Variants in FAM217A observed in about 807,000 individuals in gnomAD.
The protein encoded by FAM217A is protein FAM217A.
Under a neutral mutation model 18.5 loss-of-function variants are expected in FAM217A, and 13 were observed. That is an observed-to-expected ratio of 0.70 (90% CI 0.46 to 1.12). The LOEUF is 1.12. Among genes scored for constraint, FAM217A ranks in the 50% most tolerant of loss-of-function variants. The pLI, the probability that FAM217A is intolerant of heterozygous loss-of-function variation, is 0.00. For synonymous variants in FAM217A, 161 were observed against 202.8 expected, an observed-to-expected ratio of 0.79 and a Z score of 1.75; for missense variants, 560 against 575.4, an observed-to-expected ratio of 0.97 and a Z score of 0.27.
rs1319664893 is a variant in FAM217A at position 4,077,257 on chromosome 6, C to T, written c.60+98G>A. On this transcript the variant is annotated intron_variant, in intron 2 of 6. Coordinates refer to ENST00000274673, the MANE Select transcript of FAM217A (RefSeq NM_173563.3). ...CAGGATAAACTGCCCACGATGCAAA[C>T]GCAGCAAGGGCATCACTACAAGAAA... is the stretch of plus-strand genomic sequence containing the variant. The T allele has an allele frequency of 2.6e-6, 3 of 1,170,390 alleles. No homozygotes were observed. In the East Asian group the frequency reaches 7.1e-5, roughly 28 times the overall value. 72.5% of individuals were successfully genotyped at this position (1,170,390 alleles called of 1,614,324 possible).
At chr6:4,079,813 G>A, upstream of FAM217A, 1 of 394,912 alleles carries the variant, frequency 2.5e-6, no homozygotes, top group Non-Finnish European at 3.9e-6. Context: ...GTCAGTTTCA[G>A]GTCCGTCGTC....
In FAM217A at chr6:4,077,380, A is replaced by G. The variant is rs112866331; in HGVS notation, c.35T>C (p.Leu12Pro). ...GRRNENCANS[L>P]RVSNISQENL... ...CTCCTGAGAGATGTTTGACACACGT[A>G]GGCTGTTAGCACAGTTCTCATTTCT... Residue 12 changes from leucine (L) to proline (P), a missense_variant, in exon 2 of 7, where the codon CTA (leucine) becomes CCA (proline). Coordinates refer to ENST00000274673, the MANE Select transcript of FAM217A (RefSeq NM_173563.3). 88 of 1,614,214 alleles carry G rather than the reference A, an allele frequency of 5.5e-5. 1 individual carries two copies. The African/African-American group carries it at 6.7e-4, about 12-fold the overall frequency.
Position 4,077,351 on chromosome 6 carries a change from A to G in FAM217A, c.60+4T>C. ...ACACTCAAGTTCAACAGCGCCTGCC[A>G]TACCTCCTGAGAGATGTTTGACACA... On this transcript the variant is annotated splice_donor_region_variant and intron_variant, in intron 2 of 6. Transcript: ENST00000274673. The G allele has an allele frequency of 3.1e-6, 5 of 1,614,186 alleles. No individual in the cohort carries two copies. Among genetic ancestry groups the G allele is most frequent in the Non-Finnish European group, 4.2e-6 (5 of 1,180,024 alleles).
At position 4,078,949 on chromosome 6, in the gene FAM217A, C is replaced by T. The variant is rs1221465647; in HGVS notation, c.-132G>A. ...TGCGTGGCTGACGGCTTGGAGGGCG[C>T]CCCCTCTGCCGCGGCCTTCCTGCAG... On this transcript the variant is annotated 5_prime_UTR_variant, in exon 1 of 7. Transcript: ENST00000274673. 3.6e-6 allele frequency: 2 copies of T among 550,714 alleles called. No homozygotes were observed. The highest frequency in any genetic ancestry group is 6.4e-6 in the Non-Finnish European group (2 of 311,102). 34.1% of individuals were successfully genotyped at this position (550,714 alleles called of 1,614,324 possible).
chr6:4,080,581 C>T (rs983020521), upstream of FAM217A, among the ~76,000 whole-genome samples: 2 of 152,192 alleles, frequency 1.3e-5, no homozygotes, highest in African/African-American at 4.8e-5. Flanking sequence ...GCCCTCTCTT[C>T]CTTCGGCTGT....
intron 1 of FAM217A, among the ~76,000 whole-genome samples, chr6:4,086,344 G>T (rs1191834081): frequency 6.6e-6 from 1 of 150,468 alleles, no homozygotes; most frequent in East Asian, 2.0e-4. Context: ...TACTCAGGAG[G>T]CCAAGGCAGG....
At chr6:4,081,673 A>G (rs1339527846), upstream of FAM217A, among the ~76,000 whole-genome samples, 2 of 152,134 alleles carry the variant, frequency 1.3e-5, no homozygotes, top group Non-Finnish European at 2.9e-5. Flanking sequence ...AACCTTTTCC[A>G]CCTTACAATT....
At chr6:4,084,633 C>T in exon 2 of FAM217A, 1 of 703,006 alleles carries the variant, frequency 1.4e-6, no homozygotes. Context: ...TCAGACCCCT[C>T]CCACCTCATT....
chr6:4,078,894 G>A lies in FAM217A; in HGVS notation c.-77C>T. The A allele has an allele frequency of 1.7e-6, 1 of 581,896 alleles. No homozygotes were observed. Among genetic ancestry groups the A allele is most frequent in the Non-Finnish European group, 3.1e-6 (1 of 323,928 alleles). 36.0% of individuals were successfully genotyped at this position (581,896 alleles called of 1,614,324 possible). A position where few individuals can be genotyped will look rare whatever the true frequency, so the allele number is the denominator to read the frequency against. On this transcript the variant is annotated 5_prime_UTR_variant, in exon 1 of 7. Coordinates refer to ENST00000274673, the MANE Select transcript of FAM217A (RefSeq NM_173563.3). ...GTCCTCCCCGGCGTGCTCTCCCGGT[G>A]CGCCGCCCCGAGGCCCGAGCGCCTC...
At position 4,073,440 on chromosome 6, in the gene FAM217A, C is replaced by T; in HGVS notation, c.227G>A (p.Ser76Asn). Residue 76 changes from serine (S) to asparagine (N), a missense_variant, in exon 5 of 7, where the codon AGT (serine) becomes AAT (asparagine). Coordinates refer to ENST00000274673, the MANE Select transcript of FAM217A (RefSeq NM_173563.3). ...EPNLSVHSQK[S>N]TQNSKQGIFQ... ...TGAAGAATAAAATCCCACCTGTGTACTTTTTTGACTATGCACCGACAAATT... is the reference window on the plus strand; with the variant it reads ...TGAAGAATAAAATCCCACCTGTGTATTTTTTTGACTATGCACCGACAAATT... 2 of 1,612,712 alleles carry T rather than the reference C, an allele frequency of 1.2e-6. No individual in the cohort carries two copies. The highest frequency in any genetic ancestry group is 8.5e-7 in the Non-Finnish European group (1 of 1,179,416).
intron 2 of FAM217A, among the ~76,000 whole-genome samples, chr6:4,076,803 G>T (rs1463314463): frequency 2.0e-5 from 3 of 152,312 alleles, no homozygotes; most frequent in South Asian, 2.1e-4. Context: ...GGGAGGTGGG[G>T]GTTATAGTGA....
intron 4 of FAM217A, 97 bp downstream of exon 4, chr6:4,074,346 A>T (rs1769623351): frequency 2.0e-6 from 2 of 992,420 alleles, no homozygotes; most frequent in Non-Finnish European, 3.0e-6. Context: ...AATGAAATTT[A>T]AAGTTTAACT....
At position 4,069,876 on chromosome 6, in the gene FAM217A, T is replaced by C. The variant is rs1769289224; in HGVS notation, c.347A>G (p.Asn116Ser). ...CAGAGTGAAGACCCTTATAGGATGA[T>C]TGATTACATTAAAGCCAGTTTCCAC... is the stretch of plus-strand genomic sequence containing the variant. ...SSVETGFNVI[N>S]HPIRVFTLNH... is the part of the protein sequence containing the mutation. Residue 116 changes from asparagine (N) to serine (S), a missense_variant, in exon 7 of 7, where the codon AAT (asparagine) becomes AGT (serine). Physicochemically the swap from Asn to Ser is conservative, Grantham distance 46 (BLOSUM62 1). Coordinates refer to ENST00000274673, the MANE Select transcript of FAM217A (RefSeq NM_173563.3). 1 of 1,600,800 alleles carries C rather than the reference T, an allele frequency of 6.2e-7. No individual in the cohort carries two copies. The highest frequency in any genetic ancestry group is 8.5e-7 in the Non-Finnish European group (1 of 1,174,808).
Position 4,085,311 on chromosome 6 carries a change from A to AAAAAAAATATATATAT in FAM217A, c.19-502_19-501insATATATATATTTTTTT, listed in dbSNP as rs377046907. 9.4e-4 allele frequency among the ~76,000 whole-genome samples: 137 copies of AAAAAAAATATATATAT among 146,432 alleles called. 1 individual carries two copies. Among genetic ancestry groups the AAAAAAAATATATATAT allele is most frequent in the Middle Eastern group, 7.2e-3 (2 of 276 alleles). On this transcript the variant is annotated intron_variant, in intron 1 of 8. Transcript: ENST00000639338. ...AGAAGTGTTATTCATTGTAAAAAAA[A>AAAAAAAATATATATAT]ATATATATATATATATAAAATATGT...
chr6:4,068,653 TTAGAG>T lies in FAM217A; in HGVS notation c.*38_*42del, dbSNP rs1426691078. 4 of 1,530,758 alleles carry T rather than the reference TTAGAG, an allele frequency of 2.6e-6. No individual in the cohort carries two copies. Among genetic ancestry groups the T allele is most frequent in the Non-Finnish European group, 8.7e-7 (1 of 1,145,114 alleles). The allele number at this position is 1,530,758 out of a possible 1,614,324, so 94.8% of individuals were successfully genotyped here. A position where few individuals can be genotyped will look rare whatever the true frequency, so the allele number is the denominator to read the frequency against. ...ATTAACCATATCTTAGTTGGGCTTC[TTAGAG>T]TAGATGTGTTCACATTGAGATGTAT... On this transcript the variant is annotated 3_prime_UTR_variant, in exon 7 of 7. Coordinates refer to ENST00000274673, the MANE Select transcript of FAM217A (RefSeq NM_173563.3).
chr6:4,069,764 A>C lies in FAM217A; in HGVS notation c.459T>G (p.Tyr153Ter). 1 of 1,614,194 alleles carries C rather than the reference A, an allele frequency of 6.2e-7. No individual in the cohort carries two copies. The highest frequency in any genetic ancestry group is 1.3e-5 in the African/African-American group (1 of 75,052). ...TGTTCTTAAAAAAGTCTCCATCAGC[A>C]TAGGGCCAGCAGAGACCTAATGGCA... ...LPMPLGLCWP[Y>*]ADGDFFKNRN... The change falls in exon 7 of 7, where the codon TAT (tyrosine) becomes TAG (stop). Residue 153 changes from tyrosine (Y) to a stop codon, truncating the protein, a stop_gained. Coordinates refer to ENST00000274673, the MANE Select transcript of FAM217A (RefSeq NM_173563.3). LOFTEE classifies it low-confidence loss of function (END_TRUNC).
At chr6:4,075,092 G>A (rs1188988731) in intron 2 of FAM217A, among the ~76,000 whole-genome samples, 1 of 152,152 alleles carries the variant, frequency 6.6e-6, no homozygotes, top group Non-Finnish European at 1.5e-5. Flanking sequence ...AGCACTTTGG[G>A]AGGCCGGGGC....
rs910472536 is a variant in FAM217A, at chr6:4,078,215, A to G, written c.-35+637T>C. On this transcript the variant is annotated intron_variant, in intron 1 of 6. Transcript: ENST00000274673. The stretch of plus-strand genomic sequence containing the variant: ...ATTACAGGCGAGCACCACTACGCCC[A>G]GCTAATTTTTATATTTTTAGTAGAG... 1.4e-4 allele frequency among the ~76,000 whole-genome samples: 21 copies of G among 151,954 alleles called. 1 individual carries two copies. The highest frequency in any genetic ancestry group is 4.8e-4 in the African/African-American group (20 of 41,436).
Position 4,069,723 on chromosome 6 carries a change from A to G in FAM217A, c.500T>C (p.Val167Ala). The G allele has an allele frequency of 6.2e-7, 1 of 1,614,168 alleles. No homozygotes were observed. Among genetic ancestry groups the G allele is most frequent in the Non-Finnish European group, 8.5e-7 (1 of 1,180,012 alleles). The change falls in exon 7 of 7, where the codon GTT becomes GCT. Residue 167 changes from valine to alanine, a missense_variant. Physicochemically the swap from Val to Ala is moderately conservative, Grantham distance 64. Coordinates refer to ENST00000274673, the MANE Select transcript of FAM217A (RefSeq NM_173563.3). ...DFFKNRNEIHVSSCSTIENND... is the reference protein window; with the variant it reads ...DFFKNRNEIHASSCSTIENND... ...GTTTTCTATAGTTGAACATGAACTA[A>G]CATGAATCTCATTTCTGTTCTTAAA...
Sources: gnomAD v4.1 joint callset for allele counts (sites outside exome capture counted in the v4.1 genomes callset) on GRCh38, gnomAD v4.1.1 for gene constraint, MANE v1.5 for transcripts, NCBI Gene and HGNC (gene_info 2026-07-23, HGNC 2026-07-21) for gene names.